RNF121: variants seen among roughly 807,000 people sequenced by gnomAD.
RNF121 encodes the protein E3 ubiquitin ligase RNF121.
Under a neutral mutation model 46.5 loss-of-function variants are expected in RNF121, and 21 were observed. The ratio of observed to expected loss-of-function variants is 0.45; its 90% confidence interval spans 0.32 to 0.65. The LOEUF (loss-of-function observed/expected upper bound fraction) is 0.65, where lower values mean the gene tolerates loss of function less well. Among genes scored for constraint, RNF121 ranks in the 30% least tolerant of loss-of-function variants. RNF121 has a pLI of 0.04. For synonymous variants in RNF121, 139 were observed against 144.7 expected (o/e 0.96, Z 0.28); for missense variants, 346 against 416.0 (o/e 0.83, Z 1.46).
chr11:71,934,941 CTTTTTTTTT>C (rs34428026), intron 1 of RNF121, among the ~76,000 whole-genome samples: 1 of 135,366 alleles, frequency 7.4e-6, no homozygotes, highest in Admixed American at 7.4e-5. Flanking sequence ...CAAATGCATT[CTTTTTTTTT>C]TTTTTTTTTT....
intron 3 of RNF121, among the ~76,000 whole-genome samples, chr11:71,974,046 A>G (rs1954477760): frequency 6.6e-6 from 1 of 152,028 alleles, no homozygotes; most frequent in African/African-American, 2.4e-5. Context: ...GGTTCACGCC[A>G]TTCTCCTGCC....
chr11:71,939,920 T>C (rs981743413), intron 1 of RNF121, among the ~76,000 whole-genome samples: 4 of 152,172 alleles, frequency 2.6e-5, no homozygotes, highest in African/African-American at 9.7e-5. Context: ...AATGACAATA[T>C]AGTATGAGGA....
intron 1 of RNF121, among the ~76,000 whole-genome samples, chr11:71,951,249 ACT>A (rs1447701262): frequency 6.6e-6 from 1 of 151,356 alleles, no homozygotes; most frequent in Non-Finnish European, 1.5e-5. Context: ...GTCTAAGCCA[ACT>A]CTCTCATTTT....
At chr11:71,943,786 A>G (rs1272246191) in intron 1 of RNF121, among the ~76,000 whole-genome samples, 1 of 152,224 alleles carries the variant, frequency 6.6e-6, no homozygotes, top group African/African-American at 2.4e-5. Context: ...AACCAGCTAA[A>G]GAAAGAATAG....
At chr11:71,962,418 G>T in intron 3 of RNF121, 2 of 389,558 alleles carry the variant, frequency 5.1e-6, no homozygotes, top group Non-Finnish European at 7.0e-6. Context: ...TGCTCTGCTT[G>T]ATATGAAGGT....
intron 3 of RNF121, among the ~76,000 whole-genome samples, chr11:71,976,345 CTTTTTTTTT>C (rs35710756): frequency 2.2e-5 from 1 of 46,068 alleles, no homozygotes; most frequent in African/African-American, 9.3e-5. Flanking sequence ...TGGGTATATT[CTTTTTTTTT>C]TTTTTTTTTT....
chr11:71,990,567 G>T, intron 5 of RNF121, 30 bp from the exon 6 acceptor site: 1 of 1,611,660 alleles, frequency 6.2e-7, no homozygotes, highest in South Asian at 1.1e-5. Context: ...CTCAGGGTGG[G>T]TCTTTCTAGC....
intron 2 of RNF121, among the ~76,000 whole-genome samples, chr11:71,959,810 A>G (rs1954086121): frequency 6.6e-6 from 1 of 151,872 alleles, no homozygotes; most frequent in South Asian, 2.1e-4. Flanking sequence ...TAATTTTTGT[A>G]TTTTTAGTAG....
intron 1 of RNF121, among the ~76,000 whole-genome samples, chr11:71,954,246 T>G (rs142924670): frequency 1.6e-3 from 249 of 152,342 alleles, no homozygotes; most frequent in Non-Finnish European, 3.0e-3. Context: ...ACTCCTTCCC[T>G]TATTTTTTTT....
At position 71,996,329 on chromosome 11, in the gene RNF121, C is replaced by A. The variant is rs761499465; in HGVS notation, c.*14C>A. 1.2e-6 allele frequency: 2 copies of A among 1,613,460 alleles called. No homozygotes were observed. Among genetic ancestry groups the A allele is most frequent in the Admixed American group, 3.3e-5 (2 of 59,984 alleles). ...GGCCTGGAATAGTGATGAAGAGCAT[C>A]AGTGGAAAACCCACCCCACACGCCA... On this transcript the variant is annotated 3_prime_UTR_variant, in exon 9 of 9. Coordinates refer to ENST00000361756, the MANE Select transcript of RNF121 (RefSeq NM_018320.5).
intron 3 of RNF121, among the ~76,000 whole-genome samples, chr11:71,972,474 T>C (rs958080138): frequency 1.3e-5 from 2 of 152,184 alleles, no homozygotes; most frequent in Admixed American, 6.5e-5. Context: ...TGCAGGTTGG[T>C]GGCGCAGCCT....
At chr11:71,989,115 T>G (rs768342382) in intron 5 of RNF121, among the ~76,000 whole-genome samples, 4 of 152,086 alleles carry the variant, frequency 2.6e-5, no homozygotes, top group Non-Finnish European at 4.4e-5. Context: ...GATGGAGTCT[T>G]GCTTTGTCGC....
At chr11:71,964,123 A>G (rs1358222972) in intron 3 of RNF121, among the ~76,000 whole-genome samples, 1 of 152,176 alleles carries the variant, frequency 6.6e-6, no homozygotes, top group Non-Finnish European at 1.5e-5. Context: ...TCTTAACAAT[A>G]TTAATCTTCC....
chr11:71,933,156 A>G (rs898916485), intron 1 of RNF121, among the ~76,000 whole-genome samples: 9 of 152,222 alleles, frequency 5.9e-5, no homozygotes, highest in African/African-American at 2.2e-4. Flanking sequence ...GAGAGGAATT[A>G]GATGCACCCT....
Position 71,967,349 on chromosome 11 carries a change from G to GTTTTTTT in RNF121, c.243+6470_243+6476dup, listed in dbSNP as rs770121817. Among the ~76,000 whole-genome samples, 24 of 100,544 alleles carry GTTTTTTT rather than the reference G, an allele frequency of 2.4e-4. 2 individuals carry two copies. Among genetic ancestry groups the GTTTTTTT allele is most frequent in the East Asian group, 6.2e-4 (2 of 3,208 alleles). 66.0% of individuals were successfully genotyped at this position (100,544 alleles called of 152,430 possible). ...GGTAATAATTATGTGGGTTTTTTTT[G>GTTTTTTT]TTTTTTTTTTTTTTTTTTGAGACGG... On this transcript the variant is annotated intron_variant, in intron 3 of 8. Transcript: ENST00000361756.
intron 1 of RNF121, 44 bp from the exon 2 acceptor site, chr11:71,957,183 G>GT: frequency 7.4e-7 from 1 of 1,346,620 alleles, no homozygotes; most frequent in Non-Finnish European, 1.1e-6. Flanking sequence ...GGCAGGGACA[G>GT]TTTTAAGACA....
Position 71,996,466 on chromosome 11 carries a change from A to T in RNF121, c.*151A>T. 1 of 866,266 alleles carries T rather than the reference A, an allele frequency of 1.2e-6. No individual in the cohort carries two copies. Among genetic ancestry groups the T allele is most frequent in the Non-Finnish European group, 1.7e-6 (1 of 581,482 alleles). The allele number at this position is 866,266 out of a possible 1,614,324, so 53.7% of individuals were successfully genotyped here. A position where few individuals can be genotyped will look rare whatever the true frequency, so the allele number is the denominator to read the frequency against. On this transcript the variant is annotated 3_prime_UTR_variant, in exon 9 of 9. Transcript: ENST00000361756. The stretch of plus-strand genomic sequence containing the variant: ...TCTGGCTGTGTCGGACTGGGGAGGG[A>T]TATGATGGAGAGCCAGCCAGTGGGG...
intron 1 of RNF121, among the ~76,000 whole-genome samples, chr11:71,954,437 T>G (rs1424174415): frequency 2.0e-5 from 3 of 152,214 alleles, no homozygotes; most frequent in African/African-American, 7.2e-5. Context: ...CTGCCTTCCC[T>G]GAGGCTCTGA....
chr11:71,982,134 G>C (rs1954672876), intron 3 of RNF121, among the ~76,000 whole-genome samples: 1 of 152,024 alleles, frequency 6.6e-6, no homozygotes, highest in Admixed American at 6.5e-5. Flanking sequence ...TACCATGGGG[G>C]ATTTGACAGC....
Sources: allele counts gnomAD v4.1 joint callset (sites outside exome capture counted in the v4.1 genomes callset), GRCh38; gene constraint gnomAD v4.1.1; transcripts MANE v1.5; gene names NCBI Gene and HGNC (gene_info 2026-07-23, HGNC 2026-07-21).